The following DEGS1 variants were observed in gnomAD, a reference collection of about 807,000 sequenced individuals.
DEGS1 encodes delta 4-desaturase, sphingolipid 1, also known as sphingolipid delta(4)-desaturase DES1.
In DEGS1, 17 loss-of-function variants were observed where a neutral mutation model predicts 24.1. The observed-to-expected ratio is 0.70, with a 90% CI of 0.48 to 1.06. The LOEUF is 1.06. DEGS1 is among the 50% of genes least tolerant of loss of function. The pLI is 0.00. For synonymous variants in DEGS1, 134 were observed against 140.0 expected (o/e 0.96, Z 0.30); for missense variants, 366 against 408.9 (o/e 0.90, Z 0.91).
intron 1 of DEGS1, among the ~76,000 whole-genome samples, chr1:224,188,988 T>C (rs2102655426): frequency 6.6e-6 from 1 of 152,312 alleles, no homozygotes; most frequent in African/African-American, 2.4e-5. Context: ...TTGTGTATGG[T>C]GTAAGGTAGG....
At chr1:224,184,399 G>A (rs1050711759) in intron 1 of DEGS1, among the ~76,000 whole-genome samples, 12 of 152,086 alleles carry the variant, frequency 7.9e-5, no homozygotes, top group Admixed American at 2.0e-4. Context: ...AAATAAGAAC[G>A]CGTGACTAAA....
intron 1 of DEGS1, among the ~76,000 whole-genome samples, 179 bp from the exon 2 acceptor site, chr1:224,189,398 A>C (rs753694449): frequency 6.6e-6 from 1 of 152,236 alleles, no homozygotes; most frequent in African/African-American, 2.4e-5. Context: ...ATGATATTTC[A>C]TAACTTTACT....
Position 224,189,713 on chromosome 1 carries a change from C to T in DEGS1, c.219C>T (p.Ala73=). The T allele has an allele frequency of 6.2e-7, 1 of 1,614,174 alleles. No individual in the cohort carries two copies. The highest frequency in any genetic ancestry group is 8.5e-7 in the Non-Finnish European group (1 of 1,180,034). ...DLDWKWVIFG[A]YAFGSCINHS... is the part of the protein sequence containing the mutation. ...ACTGGAAATGGGTCATATTTGGGGC[C>T]TATGCGTTTGGCAGTTGCATTAACC... Residue 73 remains alanine, a synonymous_variant, in exon 2 of 3, where the codon GCC becomes GCT. Coordinates refer to ENST00000323699, the MANE Select transcript of DEGS1 (RefSeq NM_003676.4).
At chr1:224,186,170 T>C (rs895073946) in intron 1 of DEGS1, among the ~76,000 whole-genome samples, 6 of 150,814 alleles carry the variant, frequency 4.0e-5, no homozygotes, top group Non-Finnish European at 7.4e-5. Flanking sequence ...TAGCGGGACA[T>C]GGTGGCATGT....
chr1:224,183,746 A>C (rs1658301115), intron 1 of DEGS1: 1 of 222,168 alleles, frequency 4.5e-6, no homozygotes, highest in Non-Finnish European at 8.8e-6. Flanking sequence ...GCCAGCCTTG[A>C]GTAGATCTTT....
In DEGS1 at chr1:224,190,247, A is replaced by G; in HGVS notation, c.753A>G (p.Leu251=). 6.6e-7 allele frequency: 1 copy of G among 1,514,716 alleles called. No individual in the cohort carries two copies. The highest frequency in any genetic ancestry group is 8.8e-7 in the Non-Finnish European group (1 of 1,134,792). The allele number at this position is 1,514,716 out of a possible 1,614,324, so 93.8% of individuals were successfully genotyped here. ...ACTCATATTATGGGCCTCTGAATTT[A>G]CTTACCTTCAATGTGGGTTATCATA... ...ETYSYYGPLN[L]LTFNVGYHNE... The change falls in exon 2 of 3, where the codon TTA becomes TTG. Residue 251 remains leucine, a synonymous_variant. Transcript: ENST00000323699.
intron 1 of DEGS1, among the ~76,000 whole-genome samples, chr1:224,186,002 G>T (rs1658378363): frequency 6.6e-6 from 1 of 152,000 alleles, no homozygotes; most frequent in Admixed American, 6.6e-5. Flanking sequence ...GTTCAGAACA[G>T]CCCCATCTGC....
Position 224,189,955 on chromosome 1 carries a change from G to A in DEGS1, c.461G>A (p.Cys154Tyr). Residue 154 changes from cysteine to tyrosine, a missense_variant, in exon 2 of 3, where the codon TGT (cysteine) becomes TAT (tyrosine). Physicochemically the swap from Cys to Tyr is radical, Grantham distance 194. Transcript: ENST00000323699. ...ACCGATTTTGAGGGCTGGTTCTTCTGTACCGCTTTCAGAAAGTTTATATGG... is the reference window on the plus strand; with the variant it reads ...ACCGATTTTGAGGGCTGGTTCTTCTATACCGCTTTCAGAAAGTTTATATGG... ...IPTDFEGWFF[C>Y]TAFRKFIWVI... The A allele has an allele frequency of 6.2e-7, 1 of 1,614,168 alleles. No individual in the cohort carries two copies. Among genetic ancestry groups the A allele is most frequent in the Non-Finnish European group, 8.5e-7 (1 of 1,180,038 alleles).
In DEGS1 at chr1:224,189,607, A is replaced by G; in HGVS notation, c.113A>G (p.Lys38Arg). ...TATCCAGAGATAAAGTCCTTGATGA[A>G]ACCTGATCCCAATTTGATATGGATT... ...AKYPEIKSLM[K>R]PDPNLIWIII... The change falls in exon 2 of 3, where the codon AAA (lysine) becomes AGA (arginine). Residue 38 changes from lysine to arginine, a missense_variant. Coordinates refer to ENST00000323699, the MANE Select transcript of DEGS1 (RefSeq NM_003676.4). 1 of 1,609,214 alleles carries G rather than the reference A, an allele frequency of 6.2e-7. No individual in the cohort carries two copies. Among genetic ancestry groups the G allele is most frequent in the Non-Finnish European group, 8.5e-7 (1 of 1,178,130 alleles).
chr1:224,183,700 C>T (rs968792914), intron 1 of DEGS1: 1 of 281,374 alleles, frequency 3.6e-6, no homozygotes, highest in Non-Finnish European at 6.6e-6. Flanking sequence ...GCCAGGCCCA[C>T]GCCGGCCGGT....
rs144316785 is a variant in DEGS1, at chr1:224,192,535, T to G, written c.*57T>G. ...AAACTTTAGATGATAAAATGGAATT[T>G]TTGCATTATTAAACTTGAGACCAGT... On this transcript the variant is annotated 3_prime_UTR_variant, in exon 3 of 3. Transcript: ENST00000323699. The G allele has an allele frequency of 1.3e-4, 201 of 1,545,194 alleles. No homozygotes were observed. The East Asian group carries it at 4.7e-3, about 36-fold the overall frequency.
At chr1:224,187,856 C>A (rs1428145871) in intron 1 of DEGS1, among the ~76,000 whole-genome samples, 2 of 152,082 alleles carry the variant, frequency 1.3e-5, no homozygotes, top group East Asian at 3.8e-4. Flanking sequence ...CACTAATCTA[C>A]TTTGTGGCCT....
chr1:224,192,201 T>A, intron 2 of DEGS1, 131 bp from the exon 3 acceptor site: 2 of 702,372 alleles, frequency 2.8e-6, no homozygotes, highest in Non-Finnish European at 2.2e-6. Flanking sequence ...CTTTTTTTTT[T>A]TTTTAAGAGA....
At chr1:224,187,831 T>C (rs1658434495) in intron 1 of DEGS1, among the ~76,000 whole-genome samples, 1 of 152,196 alleles carries the variant, frequency 6.6e-6, no homozygotes, top group Admixed American at 6.6e-5. Context: ...TATCCCCTGC[T>C]TCTACCTAGG....
chr1:224,192,717 C>T lies in DEGS1; in HGVS notation c.*239C>T, dbSNP rs1343309516. On this transcript the variant is annotated 3_prime_UTR_variant, in exon 3 of 3. Transcript: ENST00000323699. ...TATTATCGTCATTGAGGATGTTTCA[C>T]TCATGTCTGTCATTTTATAAGCATA... 2.3e-6 allele frequency: 1 copy of T among 443,718 alleles called. No homozygotes were observed. Among genetic ancestry groups the T allele is most frequent in the Non-Finnish European group, 3.9e-6 (1 of 253,940 alleles). 27.5% of individuals were successfully genotyped at this position (443,718 alleles called of 1,614,324 possible). A position where few individuals can be genotyped will look rare whatever the true frequency, so the allele number is the denominator to read the frequency against.
At chr1:224,192,232 T>A in intron 2 of DEGS1, 100 bp from the exon 3 acceptor site, 1 of 1,017,696 alleles carries the variant, frequency 9.8e-7, no homozygotes, top group Non-Finnish European at 1.4e-6. Flanking sequence ...GCAGGTCTCA[T>A]GGTTTCCCTT....
chr1:224,190,235 G>T lies in DEGS1; in HGVS notation c.741G>T (p.Gly247=), dbSNP rs1189044313. 1 of 1,516,498 alleles carries T rather than the reference G, an allele frequency of 6.6e-7. No individual in the cohort carries two copies. Among genetic ancestry groups the T allele is most frequent in the African/African-American group, 1.4e-5 (1 of 71,602 alleles). The allele number at this position is 1,516,498 out of a possible 1,614,324, so 93.9% of individuals were successfully genotyped here. ...GTCATGAAACTTACTCATATTATGG[G>T]CCTCTGAATTTACTTACCTTCAATG... ...LKGHETYSYY[G]PLNLLTFNVG... is the part of the protein sequence containing the mutation. Residue 247 remains glycine, a synonymous_variant, in exon 2 of 3, where the codon GGG becomes GGT. Coordinates refer to ENST00000323699, the MANE Select transcript of DEGS1 (RefSeq NM_003676.4).
chr1:224,183,535 CCCCGTCGCGT>C, intron 1 of DEGS1, 117 bp downstream of exon 1: 1 of 772,058 alleles, frequency 1.3e-6, no homozygotes, highest in Middle Eastern at 4.5e-4. Flanking sequence ...GCAGCCTGCT[CCCCGTCGCGT>C]CCCGTCGCCG....
chr1:224,190,213 A>G lies in DEGS1; in HGVS notation c.719A>G (p.His240Arg), dbSNP rs1658502614. The change falls in exon 2 of 3, where the codon CAT (histidine) becomes CGT (arginine). Residue 240 changes from histidine to arginine, a missense_variant. Physicochemically the swap from His to Arg is conservative, Grantham distance 29 (BLOSUM62 0). Transcript: ENST00000323699. ...GAGCATTACATGTTCTTAAAGGGTC[A>G]TGAAACTTACTCATATTATGGGCCT... ...IAEHYMFLKG[H>R]ETYSYYGPLN... 1.3e-6 allele frequency: 2 copies of G among 1,532,146 alleles called. No homozygotes were observed. The highest frequency in any genetic ancestry group is 1.4e-5 in the African/African-American group (1 of 72,126). The allele number at this position is 1,532,146 out of a possible 1,614,324, so 94.9% of individuals were successfully genotyped here.
Sources: gnomAD v4.1 joint callset for allele counts (sites outside exome capture counted in the v4.1 genomes callset) on GRCh38, gnomAD v4.1.1 for gene constraint, MANE v1.5 for transcripts, NCBI Gene and HGNC (gene_info 2026-07-23, HGNC 2026-07-21) for gene names.